Variants in BEND2 observed in about 807,000 individuals in gnomAD.
The protein encoded by BEND2 is BEN domain-containing protein 2.
In BEND2, 19 loss-of-function variants were observed where a neutral mutation model predicts 43.8. That is an observed-to-expected ratio of 0.43 (90% CI 0.30 to 0.64). The LOEUF is 0.64. Among genes scored for constraint, BEND2 ranks in the 30% least tolerant of loss-of-function variants. The pLI is 0.11. For missense variants in BEND2, 544 were observed against 574.0 expected (o/e 0.95, Z 0.53); for synonymous variants, 226 against 210.1 (o/e 1.08, Z -0.66).
rs1011945149 is a variant in BEND2 at position 18,216,575 on chromosome X, G to T, written c.184C>A (p.Pro62Thr). 3 of 1,206,923 alleles carry T rather than the reference G, an allele frequency of 2.5e-6. No individual in the cohort carries two copies. The highest frequency in any genetic ancestry group is 2.2e-6 in the Non-Finnish European group (2 of 892,700). The change falls in exon 2 of 14, where the codon CCA becomes ACA. Residue 62 changes from proline (P) to threonine (T), a missense_variant. By Grantham distance (38) the Pro-to-Thr change is conservative (BLOSUM62 -1). Transcript: ENST00000380033. ...CCATCATTGCCGCCTGGAAAATTTG[G>T]TTGTGTGGCTGTGTCATCAGTGGGA... ...DNPTDDTATQ[P>T]NFPGGNDGHH... is the part of the protein sequence containing the mutation.
At chrX:18,204,065 TA>T in intron 4 of BEND2, 150 bp from the exon 5 acceptor site, 1 of 452,415 alleles carries the variant, frequency 2.2e-6, no homozygotes, top group Non-Finnish European at 3.5e-6. Context: ...AACTGTAACT[TA>T]AAATGAGGCT....
At chrX:18,174,299 A>G (rs370815715) in intron 11 of BEND2, 41 bp from the exon 12 acceptor site, 145 of 1,140,964 alleles carry the variant, frequency 1.3e-4, no homozygotes, top group Non-Finnish European at 1.7e-4. Context: ...AAAGTCCCAC[A>G]GCAAGAAAAT....
intron 6 of BEND2, among the ~76,000 whole-genome samples, chrX:18,199,636 T>G (rs1925076001): frequency 1.8e-5 from 2 of 109,290 alleles, no homozygotes; most frequent in South Asian, 7.8e-4. Context: ...AAAGCCTAGT[T>G]TTTTTTTTTG....
intron 6 of BEND2, among the ~76,000 whole-genome samples, chrX:18,196,991 G>A (rs1213827330): frequency 8.9e-6 from 1 of 112,093 alleles, no homozygotes; most frequent in Non-Finnish European, 1.9e-5. Flanking sequence ...GGCTATCTCA[G>A]TTATATCTGT....
chrX:18,192,008 T>C (rs1335764526), intron 7 of BEND2, among the ~76,000 whole-genome samples: 2 of 112,217 alleles, frequency 1.8e-5, no homozygotes, highest in Non-Finnish European at 3.8e-5. Context: ...AAGCTACCAA[T>C]ATCTTGCACT....
chrX:18,185,255 G>C (rs192792689), intron 8 of BEND2, among the ~76,000 whole-genome samples: 66 of 109,842 alleles, frequency 6.0e-4, no homozygotes, highest in African/African-American at 2.1e-3. Context: ...TTGGCTGGGT[G>C]CAGTGGCTCA....
chrX:18,219,300 G>C (rs949661582), intron 1 of BEND2, among the ~76,000 whole-genome samples: 1 of 112,473 alleles, frequency 8.9e-6, no homozygotes, highest in African/African-American at 3.2e-5. Flanking sequence ...CGGGAGGGAC[G>C]CGATCCGCCA....
intron 7 of BEND2, among the ~76,000 whole-genome samples, 180 bp downstream of exon 7, chrX:18,195,116 A>T: frequency 9.0e-6 from 1 of 111,273 alleles, no homozygotes. Context: ...TTATTGGGGG[A>T]AATTAGGTAA....
In BEND2 at chrX:18,168,899, T is replaced by C. The variant is rs1049024917; in HGVS notation, c.2185+2102A>G. On this transcript the variant is annotated intron_variant, in intron 13 of 13. Transcript: ENST00000380033. ...TCAGTAGTTCAAATGTATGAACAGA[T>C]CTCAAAAACATAATGTTGAGTGATT... Among the ~76,000 whole-genome samples the C allele has an allele frequency of 6.2e-5, 7 of 112,058 alleles. No individual in the cohort carries two copies. The East Asian group carries it at 1.7e-3, about 27-fold the overall frequency.
intron 7 of BEND2, among the ~76,000 whole-genome samples, chrX:18,194,797 G>A (rs189810652): frequency 9.0e-6 from 1 of 111,129 alleles, no homozygotes; most frequent in Non-Finnish European, 1.9e-5. Flanking sequence ...GAAGAGATCA[G>A]TGGAAGCCAG....
intron 8 of BEND2, among the ~76,000 whole-genome samples, chrX:18,185,648 CAAAG>C (rs1233910048): frequency 6.4e-5 from 7 of 108,817 alleles, no homozygotes. Context: ...AGATTTCACC[CAAAG>C]AAGACTACCT....
At chrX:18,170,658 C>G (rs916835457) in intron 13 of BEND2, among the ~76,000 whole-genome samples, 12 of 112,680 alleles carry the variant, frequency 1.1e-4, no homozygotes, top group Admixed American at 5.7e-4. Context: ...GTTGACACTT[C>G]TGCAAATGGA....
chrX:18,172,894 A>G (rs1179140885), intron 12 of BEND2, among the ~76,000 whole-genome samples: 2 of 110,999 alleles, frequency 1.8e-5, no homozygotes. Flanking sequence ...TAGATTCTTG[A>G]GGAAAAATAG....
At chrX:18,168,852 T>G (rs930431375) in intron 13 of BEND2, among the ~76,000 whole-genome samples, 1 of 112,403 alleles carries the variant, frequency 8.9e-6, no homozygotes, top group Non-Finnish European at 1.9e-5. Flanking sequence ...TAAATTGGTT[T>G]ATTCATTCAA....
intron 6 of BEND2, among the ~76,000 whole-genome samples, chrX:18,198,408 T>C (rs1925030106): frequency 9.0e-6 from 1 of 111,523 alleles, no homozygotes; most frequent in Non-Finnish European, 1.9e-5. Context: ...GAACAGACAC[T>C]TCTCAAAAGA....
Position 18,198,295 on chromosome X carries a change from C to G in BEND2, c.1034-2853G>C, listed in dbSNP as rs376102968. ...ACAGAATGGGAGAAAATTTTCGCAA[C>G]CTACTCATCTGACAAAGGGCTAATA... On this transcript the variant is annotated intron_variant, in intron 6 of 13. Coordinates refer to ENST00000380033, the MANE Select transcript of BEND2 (RefSeq NM_153346.5). Among the ~76,000 whole-genome samples the G allele has an allele frequency of 6.7e-4, 73 of 108,500 alleles. 1 individual carries two copies. The East Asian group carries it at 0.013, about 19-fold the overall frequency. 94.2% of individuals were successfully genotyped at this position (108,500 alleles called of 115,157 possible). A position where few individuals can be genotyped will look rare whatever the true frequency, so the allele number is the denominator to read the frequency against.
chrX:18,183,773 T>C (rs748426406), intron 8 of BEND2, among the ~76,000 whole-genome samples: 2 of 111,918 alleles, frequency 1.8e-5, no homozygotes, highest in African/African-American at 6.5e-5. Context: ...AGGAGAGACT[T>C]CTCTGCTTGT....
intron 6 of BEND2, among the ~76,000 whole-genome samples, chrX:18,198,385 A>G (rs10126351): frequency 0.21 from 23,002 of 109,309 alleles, 2,170 homozygotes; most frequent in East Asian, 0.32. Context: ...ATCAAAAAGT[A>G]GGCAAAGGAT....
intron 10 of BEND2, 61 bp from the exon 11 acceptor site, chrX:18,176,154 AT>A (rs1307550532): frequency 2.6e-5 from 28 of 1,097,615 alleles, no homozygotes; most frequent in Non-Finnish European, 2.6e-5. Flanking sequence ...CTAATGAAAA[AT>A]TTTTTTCTTT....
Sources: allele counts gnomAD v4.1 joint callset (sites outside exome capture counted in the v4.1 genomes callset), GRCh38; gene constraint gnomAD v4.1.1; transcripts MANE v1.5; gene names NCBI Gene and HGNC (gene_info 2026-07-23, HGNC 2026-07-21).